LPP: variants seen among roughly 807,000 people sequenced by gnomAD.
The protein encoded by LPP is LIM domain containing preferred translocation partner in lipoma.
In LPP, 38 loss-of-function variants were observed where a neutral mutation model predicts 60.4. That is an observed-to-expected ratio of 0.63 (90% CI 0.49 to 0.83). The LOEUF (loss-of-function observed/expected upper bound fraction) is 0.83, where lower values mean the gene tolerates loss of function less well. LPP is among the 40% of genes least tolerant of loss of function. The probability of loss-of-function intolerance (pLI) is 0.00; values close to 1 mark genes in which losing one functional copy is unlikely to be tolerated. For missense variants in LPP, 902 were observed against 783.6 expected, an observed-to-expected ratio of 1.15 and a Z score of -1.80; for synonymous variants, 328 against 290.8, an observed-to-expected ratio of 1.13 and a Z score of -1.30.
At chr3:188,312,061 T>C (rs904519717) in intron 2 of LPP, among the ~76,000 whole-genome samples, 2 of 152,262 alleles carry the variant, frequency 1.3e-5, no homozygotes, top group Non-Finnish European at 2.9e-5. Context: ...TTTATCTCTT[T>C]ACTTCTCCCA....
At chr3:188,430,562 C>T (rs1352348104) in intron 4 of LPP, among the ~76,000 whole-genome samples, 1 of 152,154 alleles carries the variant, frequency 6.6e-6, no homozygotes, top group Non-Finnish European at 1.5e-5. Context: ...AATCATTGCA[C>T]TCTTTTACTT....
At chr3:188,594,732 G>A (rs1009843529) in intron 6 of LPP, among the ~76,000 whole-genome samples, 2 of 152,212 alleles carry the variant, frequency 1.3e-5, no homozygotes, top group Middle Eastern at 3.4e-3. Flanking sequence ...AACATATTTG[G>A]AGATATGATT....
chr3:188,381,788 T>A (rs1776964454), intron 3 of LPP, among the ~76,000 whole-genome samples: 1 of 152,170 alleles, frequency 6.6e-6, no homozygotes, highest in Non-Finnish European at 1.5e-5. Flanking sequence ...TTTATTTAAA[T>A]GTCAATATTT....
chr3:188,726,768 G>T (rs1470502039), intron 8 of LPP, among the ~76,000 whole-genome samples: 1 of 152,096 alleles, frequency 6.6e-6, no homozygotes, highest in Non-Finnish European at 1.5e-5. Context: ...CAAATAAACA[G>T]CAATAGCAAC....
At chr3:188,507,022 C>A (rs767305793) in intron 5 of LPP, among the ~76,000 whole-genome samples, 9 of 152,080 alleles carry the variant, frequency 5.9e-5, no homozygotes, top group Non-Finnish European at 1.2e-4. Context: ...TGGTCTTGAT[C>A]TCCTGGCCTC....
intron 6 of LPP, among the ~76,000 whole-genome samples, chr3:188,531,351 T>G (rs987883818): frequency 2.0e-5 from 3 of 152,166 alleles, no homozygotes; most frequent in Middle Eastern, 6.3e-3. Context: ...TATTTTGTTA[T>G]TGACCTTGGT....
chr3:188,476,975 G>A (rs950067149), intron 4 of LPP, among the ~76,000 whole-genome samples: 3 of 152,184 alleles, frequency 2.0e-5, no homozygotes, highest in Non-Finnish European at 1.5e-5. Context: ...GTTTCACGCT[G>A]TAGAAACGGG....
At chr3:188,756,937 C>T (rs1169430463) in intron 8 of LPP, among the ~76,000 whole-genome samples, 1 of 152,222 alleles carries the variant, frequency 6.6e-6, no homozygotes, top group African/African-American at 2.4e-5. Context: ...GAAGGCAATT[C>T]CGTGTCATGC....
Position 188,688,922 on chromosome 3 carries a change from G to A in LPP, c.1114-19345G>A, listed in dbSNP as rs371683213. Reference sequence around the variant, plus strand: ...AGTGTTAATCCTAGATTACAATCCCGCCTCTATTATTTTAACTTTGTTCAC... The same window carrying A: ...AGTGTTAATCCTAGATTACAATCCCACCTCTATTATTTTAACTTTGTTCAC... On this transcript the variant is annotated intron_variant, in intron 7 of 11. Coordinates refer to ENST00000617246, the MANE Select transcript of LPP (RefSeq NM_001375462.1). 1.4e-3 allele frequency: 720 copies of A among 504,546 alleles called. 16 individuals carry two copies. Among genetic ancestry groups the A allele is most frequent in the South Asian group, 0.01 (691 of 66,520 alleles). 31.3% of individuals were successfully genotyped at this position (504,546 alleles called of 1,614,324 possible).
chr3:188,212,139 G>T (rs935379714), intron 1 of LPP, among the ~76,000 whole-genome samples: 3 of 152,162 alleles, frequency 2.0e-5, no homozygotes, highest in Non-Finnish European at 4.4e-5. Context: ...GATTACAGGT[G>T]TGAGCCACTG....
At chr3:188,769,001 A>T (rs1735008711) in intron 9 of LPP, among the ~76,000 whole-genome samples, 1 of 152,214 alleles carries the variant, frequency 6.6e-6, no homozygotes, top group Non-Finnish European at 1.5e-5. Context: ...GAAAAATTTT[A>T]AATATTGGAA....
At chr3:188,719,225 T>C (rs139306013) in intron 8 of LPP, among the ~76,000 whole-genome samples, 334 of 152,370 alleles carry the variant, frequency 2.2e-3, no homozygotes, top group African/African-American at 7.0e-3. Context: ...TAGTCTTTGG[T>C]TCCCAGGACC....
At chr3:188,769,003 A>G (rs1445546333) in intron 9 of LPP, among the ~76,000 whole-genome samples, 1 of 152,228 alleles carries the variant, frequency 6.6e-6, no homozygotes, top group Non-Finnish European at 1.5e-5. Flanking sequence ...AAAATTTTAA[A>G]TATTGGAATA....
At chr3:188,492,759 C>CT (rs1808775392) in intron 5 of LPP, among the ~76,000 whole-genome samples, 5 of 152,094 alleles carry the variant, frequency 3.3e-5, no homozygotes, top group Non-Finnish European at 7.4e-5. Context: ...TAGATATTTT[C>CT]AAATTTATTT....
intron 1 of LPP, among the ~76,000 whole-genome samples, chr3:188,191,130 T>A (rs1220836389): frequency 1.3e-5 from 2 of 152,146 alleles, no homozygotes; most frequent in Non-Finnish European, 2.9e-5. Flanking sequence ...CTTGAGAGGC[T>A]GAGATGTGAG....
chr3:188,249,995 TAAAG>T (rs1050451840), intron 2 of LPP, among the ~76,000 whole-genome samples: 2 of 151,354 alleles, frequency 1.3e-5, no homozygotes, highest in African/African-American at 4.8e-5. Context: ...ATAAAAAAAA[TAAAG>T]ATAGTCTCAT....
At chr3:188,863,261 A>T (rs1215763401) in intron 9 of LPP, among the ~76,000 whole-genome samples, 5 of 152,246 alleles carry the variant, frequency 3.3e-5, no homozygotes, top group Admixed American at 3.3e-4. Flanking sequence ...TCGAAGGAAT[A>T]AATTATTTAC....
intron 4 of LPP, among the ~76,000 whole-genome samples, chr3:188,439,956 C>G (rs987378603): frequency 1.3e-5 from 2 of 152,172 alleles, no homozygotes; most frequent in South Asian, 4.1e-4. Flanking sequence ...TGGAATTTAT[C>G]TCATCTATGC....
At chr3:188,654,879 A>G (rs1485296083) in intron 7 of LPP, among the ~76,000 whole-genome samples, 5 of 152,228 alleles carry the variant, frequency 3.3e-5, no homozygotes, top group Non-Finnish European at 7.3e-5. Flanking sequence ...TATACCCAGC[A>G]GGAAGGAAAC....
Sources: allele counts gnomAD v4.1 joint callset (sites outside exome capture counted in the v4.1 genomes callset), GRCh38; gene constraint gnomAD v4.1.1; transcripts MANE v1.5; gene names NCBI Gene and HGNC (gene_info 2026-07-23, HGNC 2026-07-21).